Variants in SGMS2 observed in about 807,000 individuals in gnomAD.
SGMS2 encodes sphingomyelin synthase 2.
Under a neutral mutation model 43.8 loss-of-function variants are expected in SGMS2, and 21 were observed. The ratio of observed to expected loss-of-function variants is 0.48; its 90% confidence interval spans 0.34 to 0.69. SGMS2 has a LOEUF of 0.69. SGMS2 is among the 30% of genes least tolerant of loss of function. The probability of loss-of-function intolerance (pLI) is 0.01; values close to 1 mark genes in which losing one functional copy is unlikely to be tolerated. For synonymous variants in SGMS2, 167 were observed against 160.6 expected (o/e 1.04, Z -0.30); for missense variants, 384 against 443.2 (o/e 0.87, Z 1.20).
At chr4:107,894,838 G>A (rs1730528313) in intron 2 of SGMS2, among the ~76,000 whole-genome samples, 1 of 67,316 alleles carries the variant, frequency 1.5e-5, no homozygotes, top group Non-Finnish European at 3.2e-5. Context: ...ATAGAAAATT[G>A]ACTATTTTGA....
rs375991180 is a variant in SGMS2, at chr4:107,897,855, T to C, written c.456-1720T>C. ...TGAATGAGGAATGTTGCTTGCTCTC[T>C]CTTTTAAAAGCACCTTTCAAAGCTA... On this transcript the variant is annotated intron_variant, in intron 3 of 6. Transcript: ENST00000690982. 3.9e-5 allele frequency among the ~76,000 whole-genome samples: 6 copies of C among 152,350 alleles called. No individual in the cohort carries two copies. In the East Asian group the frequency reaches 7.7e-4, roughly 20 times the overall value.
At chr4:107,878,471 A>T (rs924088475) in intron 2 of SGMS2, among the ~76,000 whole-genome samples, 1 of 152,212 alleles carries the variant, frequency 6.6e-6, no homozygotes, top group Non-Finnish European at 1.5e-5. Flanking sequence ...AATTATTTCA[A>T]ATATCCCCTA....
rs952642139 is a variant in SGMS2 at position 107,914,984 on chromosome 4, A to C, written c.*4431A>C. The C allele has an allele frequency of 6.6e-6, 1 of 152,202 alleles. No individual in the cohort carries two copies. The highest frequency in any genetic ancestry group is 1.5e-5 in the Non-Finnish European group (1 of 68,032). 9.4% of individuals were successfully genotyped at this position (152,202 alleles called of 1,614,324 possible). On this transcript the variant is annotated 3_prime_UTR_variant, in exon 7 of 7. Coordinates refer to ENST00000690982, the MANE Select transcript of SGMS2 (RefSeq NM_001375905.1). ...TTTGGTTTTGCTTTTTAAAAAATGC[A>C]AGAGCCTATACTTTGTATTTACCTA...
intron 2 of SGMS2, among the ~76,000 whole-genome samples, chr4:107,877,913 C>CTTTTTTTTTTTTTTTTTTTTTTTTT (rs774442653): frequency 3.9e-5 from 4 of 102,184 alleles, no homozygotes; most frequent in Admixed American, 1.1e-4. Context: ...TTTTTCTTTT[C>CTTTTTTTTTTTTTTTTTTTTTTTTT]TTTTTTTTTT....
At chr4:107,866,288 G>T (rs1728110567) in intron 2 of SGMS2, among the ~76,000 whole-genome samples, 1 of 152,116 alleles carries the variant, frequency 6.6e-6, no homozygotes, top group African/African-American at 2.4e-5. Context: ...CTCTTGGCTG[G>T]GCATTGTGGC....
chr4:107,852,626 A>G (rs1727215415), intron 1 of SGMS2, among the ~76,000 whole-genome samples: 1 of 152,178 alleles, frequency 6.6e-6, no homozygotes, highest in South Asian at 2.1e-4. Context: ...TATACCCATG[A>G]ATATATAATG....
intron 2 of SGMS2, among the ~76,000 whole-genome samples, chr4:107,884,676 G>C (rs1326647775): frequency 6.6e-6 from 1 of 152,124 alleles, no homozygotes; most frequent in African/African-American, 2.4e-5. Flanking sequence ...AAACCCAAAA[G>C]AATGCAACCG....
At chr4:107,891,398 T>TG (rs1352701402) in intron 2 of SGMS2, among the ~76,000 whole-genome samples, 1 of 152,284 alleles carries the variant, frequency 6.6e-6, no homozygotes, top group South Asian at 2.1e-4. Flanking sequence ...ACCAGCTGGT[T>TG]GTTGATTTTA....
At chr4:107,841,631 A>T (rs1482371879) in intron 1 of SGMS2, among the ~76,000 whole-genome samples, 1 of 151,758 alleles carries the variant, frequency 6.6e-6, no homozygotes, top group Non-Finnish European at 1.5e-5. Flanking sequence ...AAAATTTTTT[A>T]TTTTTTATGG....
chr4:107,903,710 A>G (rs547513387), intron 5 of SGMS2, among the ~76,000 whole-genome samples: 21 of 152,182 alleles, frequency 1.4e-4, no homozygotes, highest in Non-Finnish European at 2.5e-4. Context: ...CTATCTTAAT[A>G]TTGGAATTAA....
intron 2 of SGMS2, chr4:107,867,654 C>T (rs1250216491): frequency 5.3e-5 from 8 of 152,140 alleles, no homozygotes; most frequent in Admixed American, 2.0e-4. Context: ...ATCTGTAAAA[C>T]ATGGGTAATA....
intron 3 of SGMS2, among the ~76,000 whole-genome samples, chr4:107,897,172 A>G (rs1288735667): frequency 1.3e-5 from 2 of 152,192 alleles, no homozygotes; most frequent in East Asian, 1.9e-4. Context: ...AATTCAGTCT[A>G]TCTTTGTTAA....
At chr4:107,901,034 C>A (rs748284876) in intron 4 of SGMS2, among the ~76,000 whole-genome samples, 6 of 152,080 alleles carry the variant, frequency 3.9e-5, no homozygotes, top group Non-Finnish European at 8.8e-5. Flanking sequence ...ATCTTAGTAA[C>A]GGATGAGGTT....
At chr4:107,880,878 GAAAAA>G in intron 2 of SGMS2, among the ~76,000 whole-genome samples, 1 of 148,656 alleles carries the variant, frequency 6.7e-6, no homozygotes, top group East Asian at 2.0e-4. Flanking sequence ...GAAAGAAAAA[GAAAAA>G]AGAAAAGAAA....
intron 2 of SGMS2, chr4:107,893,522 T>TTATTCTTCCCACAACATTGTGCC (rs1195725886): frequency 1.3e-5 from 2 of 152,250 alleles, no homozygotes; most frequent in African/African-American, 4.8e-5. Flanking sequence ...TTCATTGTGC[T>TTATTCTTCCCACAACATTGTGCC]TATTCTTCCC....
intron 2 of SGMS2, among the ~76,000 whole-genome samples, chr4:107,862,704 G>A (rs1028556737): frequency 2.6e-5 from 4 of 152,166 alleles, no homozygotes; most frequent in African/African-American, 7.2e-5. Flanking sequence ...ACACTGTCAA[G>A]TTTAAGCACT....
At chr4:107,882,919 C>A (rs1339380503) in intron 2 of SGMS2, among the ~76,000 whole-genome samples, 4 of 152,128 alleles carry the variant, frequency 2.6e-5, no homozygotes, top group Non-Finnish European at 4.4e-5. Flanking sequence ...AATGCAGGAA[C>A]ATGCTTTTTT....
intron 2 of SGMS2, among the ~76,000 whole-genome samples, chr4:107,865,800 C>T (rs1256517941): frequency 6.6e-6 from 1 of 152,028 alleles, no homozygotes; most frequent in African/African-American, 2.4e-5. Context: ...GGTGGAAATC[C>T]CCCCACCCCC....
intron 2 of SGMS2, chr4:107,867,499 C>A (rs1728212587): frequency 6.6e-6 from 1 of 152,160 alleles, no homozygotes; most frequent in Non-Finnish European, 1.5e-5. Flanking sequence ...TAAGAATTCA[C>A]CCTGAAGCTG....
Sources: gnomAD v4.1 joint callset for allele counts (sites outside exome capture counted in the v4.1 genomes callset) on GRCh38, gnomAD v4.1.1 for gene constraint, MANE v1.5 for transcripts, NCBI Gene and HGNC (gene_info 2026-07-23, HGNC 2026-07-21) for gene names.